The following PARD3 variants were observed in gnomAD, a reference collection of about 807,000 sequenced individuals.
PARD3 encodes the protein par-3 family cell polarity regulator.
Under a neutral mutation model 155.4 loss-of-function variants are expected in PARD3, and 75 were observed. The ratio of observed to expected loss-of-function variants is 0.48; its 90% CI spans 0.40 to 0.58. The LOEUF (loss-of-function observed/expected upper bound fraction) is 0.58. Ranked by LOEUF, PARD3 falls within the 20% of genes least tolerant of loss-of-function variation. PARD3 has a pLI of 0.00. For missense variants in PARD3, 1,642 were observed against 1,721.7 expected (o/e 0.95, Z 0.82); for synonymous variants, 576 against 610.5 (o/e 0.94, Z 0.83).
chr10:34,428,275 G>A (rs777150005), intron 5 of PARD3, among the ~76,000 whole-genome samples: 6 of 152,152 alleles, frequency 3.9e-5, no homozygotes, highest in Admixed American at 6.5e-5. Context: ...AAGCCTAGTC[G>A]TAAGAGACAA....
intron 2 of PARD3, among the ~76,000 whole-genome samples, chr10:34,553,804 G>GACAC (rs1298943361): frequency 6.6e-6 from 1 of 152,172 alleles, no homozygotes; most frequent in Non-Finnish European, 1.5e-5. Context: ...AGAGGTCTAA[G>GACAC]ACACTTAACC....
intron 4 of PARD3, among the ~76,000 whole-genome samples, chr10:34,468,728 A>T (rs1222115152): frequency 6.6e-6 from 1 of 152,102 alleles, no homozygotes; most frequent in Non-Finnish European, 1.5e-5. Flanking sequence ...TTTCAACTAG[A>T]TTCTTCTCAG....
intron 22 of PARD3, among the ~76,000 whole-genome samples, chr10:34,250,027 T>C (rs1954200172): frequency 6.6e-6 from 1 of 152,232 alleles, no homozygotes; most frequent in Non-Finnish European, 1.5e-5. Flanking sequence ...CTCTTAAGAA[T>C]GTGGCCAAAC....
intron 4 of PARD3, among the ~76,000 whole-genome samples, chr10:34,450,698 A>G (rs1160843302): frequency 6.6e-6 from 1 of 152,164 alleles, no homozygotes; most frequent in Non-Finnish European, 1.5e-5. Flanking sequence ...ACAACAGACA[A>G]AACACTACAC....
chr10:34,638,736 T>C, intron 2 of PARD3, among the ~76,000 whole-genome samples: 1 of 152,200 alleles, frequency 6.6e-6, no homozygotes, highest in Non-Finnish European at 1.5e-5. Flanking sequence ...AGCTCAACTA[T>C]TTATCCTTAA....
intron 2 of PARD3, among the ~76,000 whole-genome samples, chr10:34,665,897 GAACAGAACA>G (rs1259540820): frequency 7.5e-6 from 1 of 132,854 alleles, no homozygotes. Context: ...GAACAGAACA[GAACAGAACA>G]AAAAGAAAAG....
chr10:34,611,695 G>A (rs1488876525), intron 2 of PARD3, among the ~76,000 whole-genome samples: 4 of 151,936 alleles, frequency 2.6e-5, no homozygotes, highest in African/African-American at 9.7e-5. Flanking sequence ...GACTCCTAAG[G>A]CCCCGTACGC....
At chr10:34,595,746 C>A (rs892315292) in intron 2 of PARD3, among the ~76,000 whole-genome samples, 7 of 151,884 alleles carry the variant, frequency 4.6e-5, no homozygotes, top group Non-Finnish European at 8.8e-5. Flanking sequence ...ATAAGGAATT[C>A]ATTATTTAGG....
chr10:34,649,271 T>C (rs2092936178), intron 2 of PARD3, among the ~76,000 whole-genome samples: 1 of 152,200 alleles, frequency 6.6e-6, no homozygotes, highest in South Asian at 2.1e-4. Flanking sequence ...CAGCAAGGCC[T>C]TATCTCCATA....
intron 22 of PARD3, among the ~76,000 whole-genome samples, chr10:34,249,091 G>T (rs963604991): frequency 6.6e-6 from 1 of 152,056 alleles, no homozygotes; most frequent in African/African-American, 2.4e-5. Flanking sequence ...ACGTTTCCTG[G>T]AAAGTATCAA....
intron 1 of PARD3, among the ~76,000 whole-genome samples, chr10:34,749,171 C>A (rs1345748569): frequency 1.3e-5 from 2 of 152,188 alleles, no homozygotes; most frequent in East Asian, 3.8e-4. Context: ...GTAAATATAG[C>A]AGTCACATGT....
At chr10:34,789,270 T>C (rs1338097083) in intron 1 of PARD3, among the ~76,000 whole-genome samples, 1 of 152,072 alleles carries the variant, frequency 6.6e-6, no homozygotes, top group Non-Finnish European at 1.5e-5. Flanking sequence ...CACTCCAGCC[T>C]GGGCGACAGA....
At chr10:34,543,426 G>C (rs12250516) in intron 2 of PARD3, among the ~76,000 whole-genome samples, 5,822 of 152,210 alleles carry the variant, frequency 0.038, 369 homozygotes, top group African/African-American at 0.13. Flanking sequence ...ACCATGAAAA[G>C]ACAGAAATCT....
chr10:34,621,360 C>T lies in PARD3; in HGVS notation c.222+74958G>A, dbSNP rs543553128. 1.2e-4 allele frequency among the ~76,000 whole-genome samples: 18 copies of T among 152,180 alleles called. No homozygotes were observed. In the East Asian group the frequency reaches 2.5e-3, roughly 21 times the overall value. On this transcript the variant is annotated intron_variant, in intron 2 of 24. Coordinates refer to ENST00000374788, the MANE Select transcript of PARD3 (RefSeq NM_001184785.2). ...TACAGGTATGTGCCACCACGCCCGG[C>T]TAATTTTTGTATTTTTAGTAGAGAC...
intron 17 of PARD3, among the ~76,000 whole-genome samples, chr10:34,336,869 A>G (rs1836246545): frequency 6.6e-6 from 1 of 152,154 alleles, no homozygotes; most frequent in South Asian, 2.1e-4. Flanking sequence ...AATTCTAGAC[A>G]TGGATTGAGA....
At chr10:34,516,182 C>G (rs1330987099) in intron 3 of PARD3, among the ~76,000 whole-genome samples, 1 of 152,116 alleles carries the variant, frequency 6.6e-6, no homozygotes, top group Admixed American at 6.5e-5. Flanking sequence ...CCAGGCTGAT[C>G]TCAAACTCCT....
chr10:34,674,323 T>A lies in PARD3; in HGVS notation c.222+21995A>T, dbSNP rs147897942. Among the ~76,000 whole-genome samples, 1,319 of 152,176 alleles carry A rather than the reference T, an allele frequency of 8.7e-3. 19 individuals are homozygous for A. Among genetic ancestry groups the A allele is most frequent in the African/African-American group, 0.029 (1,210 of 41,516 alleles). On this transcript the variant is annotated intron_variant, in intron 2 of 24. Transcript: ENST00000374788. ...TAACCTGCCCCTTAATTTGCATTAATTAAAAGTGGGTATAAACATGACTGT... is the reference window on the plus strand; with the variant it reads ...TAACCTGCCCCTTAATTTGCATTAAATAAAAGTGGGTATAAACATGACTGT...
intron 2 of PARD3, among the ~76,000 whole-genome samples, chr10:34,546,819 C>T (rs1478581236): frequency 6.6e-6 from 1 of 152,108 alleles, no homozygotes; most frequent in African/African-American, 2.4e-5. Context: ...TTAATGTATT[C>T]TTTAGGCTAA....
chr10:34,626,341 TTCTC>T (rs777155502), intron 2 of PARD3, among the ~76,000 whole-genome samples: 19 of 152,296 alleles, frequency 1.2e-4, no homozygotes, highest in Middle Eastern at 3.4e-3. Context: ...TGTGTACACT[TTCTC>T]TCTCCCCCCT....
Sources: allele counts gnomAD v4.1 joint callset (sites outside exome capture counted in the v4.1 genomes callset), GRCh38; gene constraint gnomAD v4.1.1; transcripts MANE v1.5; gene names NCBI Gene and HGNC (gene_info 2026-07-23, HGNC 2026-07-21).